The following RORA variants were observed in gnomAD, a reference collection of about 807,000 sequenced individuals.
The protein encoded by RORA is RAR related orphan receptor A, also known as nuclear receptor ROR-alpha.
A neutral mutation model predicts 69.5 loss-of-function variants in RORA; 7 were observed. That is an observed-to-expected ratio of 0.10 (90% CI 0.06 to 0.19). The LOEUF is 0.19. Among genes scored for constraint, RORA ranks in the 10% least tolerant of loss-of-function variants. The pLI is 1.00. For synonymous variants in RORA, 261 were observed against 240.8 expected (o/e 1.08, Z -0.78); for missense variants, 457 against 663.0 (o/e 0.69, Z 3.41).
At chr15:60,730,146 A>G (rs2071410776) in intron 1 of RORA, among the ~76,000 whole-genome samples, 1 of 152,232 alleles carries the variant, frequency 6.6e-6, no homozygotes, top group African/African-American at 2.4e-5. Flanking sequence ...TGAGGCTGCA[A>G]GCATCTTGTC....
At chr15:60,753,822 C>T (rs2071760303) in intron 1 of RORA, among the ~76,000 whole-genome samples, 1 of 152,222 alleles carries the variant, frequency 6.6e-6, no homozygotes, top group South Asian at 2.1e-4. Flanking sequence ...ATTTCTATTG[C>T]TTTAGTCCAG....
chr15:61,135,708 G>T (rs1428440289), intron 1 of RORA, among the ~76,000 whole-genome samples: 1 of 152,104 alleles, frequency 6.6e-6, no homozygotes, highest in South Asian at 2.1e-4. Flanking sequence ...GAGCAGGACT[G>T]CTAGAAGCAG....
chr15:60,838,207 T>C (rs1009192708), intron 1 of RORA, among the ~76,000 whole-genome samples: 4 of 152,166 alleles, frequency 2.6e-5, no homozygotes. Flanking sequence ...TCCAGCATGC[T>C]GTTCCACACC....
chr15:61,192,920 G>C (rs1284205404), intron 1 of RORA, among the ~76,000 whole-genome samples: 2 of 152,094 alleles, frequency 1.3e-5, no homozygotes, highest in Non-Finnish European at 2.9e-5. Flanking sequence ...GCAGTGATTG[G>C]TCAACAGAAC....
At chr15:61,005,996 G>C (rs929342273) in intron 1 of RORA, among the ~76,000 whole-genome samples, 4 of 151,990 alleles carry the variant, frequency 2.6e-5, no homozygotes, top group Non-Finnish European at 5.9e-5. Context: ...TTGAGAAGGA[G>C]TCTCGCTCTG....
chr15:60,551,572 C>A (rs4775281), intron 2 of RORA, among the ~76,000 whole-genome samples: 57,332 of 152,044 alleles, frequency 0.38, 11,978 homozygotes, highest in East Asian at 0.74. Context: ...ATAATTTTTC[C>A]TACCGCCCCA....
chr15:60,847,083 G>A (rs1349219711), intron 1 of RORA, among the ~76,000 whole-genome samples: 2 of 152,116 alleles, frequency 1.3e-5, no homozygotes, highest in African/African-American at 2.4e-5. Flanking sequence ...TCTTGTCCTA[G>A]CAATTGATAC....
intron 1 of RORA, among the ~76,000 whole-genome samples, chr15:60,965,590 T>G (rs2140346855): frequency 6.6e-6 from 1 of 152,300 alleles, no homozygotes; most frequent in Non-Finnish European, 1.5e-5. Flanking sequence ...TTTACATCTT[T>G]GTAAAACAAG....
chr15:61,106,805 A>G (rs1015115608), intron 1 of RORA, among the ~76,000 whole-genome samples: 1 of 152,188 alleles, frequency 6.6e-6, no homozygotes, highest in Non-Finnish European at 1.5e-5. Context: ...CTTCTGCCGC[A>G]GGTTTAACAC....
chr15:60,719,078 C>G (rs2071259802), intron 1 of RORA, among the ~76,000 whole-genome samples: 1 of 18,600 alleles, frequency 5.4e-5, no homozygotes, highest in African/African-American at 3.5e-4. Context: ...GTTAAAGATG[C>G]AAAAGGCCTG....
At chr15:60,975,090 A>G (rs1023084593) in intron 1 of RORA, among the ~76,000 whole-genome samples, 37 of 152,156 alleles carry the variant, frequency 2.4e-4, no homozygotes, top group Admixed American at 6.5e-4. Flanking sequence ...TCAACAAGGG[A>G]AGAAGCATGA....
chr15:60,597,590 A>ATATG (rs2068713767), intron 2 of RORA, among the ~76,000 whole-genome samples: 1 of 24,116 alleles, frequency 4.1e-5, no homozygotes, highest in Non-Finnish European at 7.6e-5. Context: ...ATATATATAT[A>ATATG]TATACACATA....
At chr15:60,726,852 A>G (rs2071363774) in intron 1 of RORA, among the ~76,000 whole-genome samples, 1 of 152,212 alleles carries the variant, frequency 6.6e-6, no homozygotes, top group South Asian at 2.1e-4. Context: ...GACAAGGAGG[A>G]AATTAAAAAA....
intron 2 of RORA, among the ~76,000 whole-genome samples, chr15:60,618,881 T>G (rs1161416551): frequency 6.6e-6 from 1 of 152,238 alleles, no homozygotes; most frequent in African/African-American, 2.4e-5. Flanking sequence ...TTTTCCCATC[T>G]GCCTTAACAC....
At chr15:61,113,880 A>G (rs896845577) in intron 1 of RORA, among the ~76,000 whole-genome samples, 6 of 152,202 alleles carry the variant, frequency 3.9e-5, no homozygotes, top group Admixed American at 6.5e-5. Context: ...GCCAAGGCAA[A>G]GTCAGAGACA....
rs1395198361 is a variant in RORA at position 60,687,950 on chromosome 15, C to T, written c.167-9264G>A. ...TACTCTCTCCGATCCTCAGTTTCCT[C>T]ATCACTAAAAGGAGAGGAAAAAGAT... On this transcript the variant is annotated intron_variant, in intron 1 of 10. Transcript: ENST00000335670. Among the ~76,000 whole-genome samples the T allele has an allele frequency of 2.0e-5, 3 of 152,182 alleles. 1 individual carries two copies. The highest frequency in any genetic ancestry group is 4.4e-5 in the Non-Finnish European group (3 of 68,036).
chr15:60,710,907 C>A (rs1366142289), intron 1 of RORA, among the ~76,000 whole-genome samples: 1 of 151,962 alleles, frequency 6.6e-6, no homozygotes, highest in Non-Finnish European at 1.5e-5. Flanking sequence ...ACCTGTAGGT[C>A]TTTCAGCAGA....
intron 1 of RORA, among the ~76,000 whole-genome samples, chr15:61,210,109 T>C (rs2414693): frequency 1 from 152,291 of 152,324 alleles, 76,129 homozygotes; most frequent in Middle Eastern, 1. Flanking sequence ...GAGGGTTCCC[T>C]CAAGAGGCAG....
At chr15:60,562,087 G>A (rs1372966007) in intron 2 of RORA, among the ~76,000 whole-genome samples, 1 of 151,946 alleles carries the variant, frequency 6.6e-6, no homozygotes, top group Non-Finnish European at 1.5e-5. Context: ...GGGATTACAG[G>A]CGCCTGCCAC....
Sources: gnomAD v4.1 joint callset for allele counts (sites outside exome capture counted in the v4.1 genomes callset) on GRCh38, gnomAD v4.1.1 for gene constraint, MANE v1.5 for transcripts, NCBI Gene and HGNC (gene_info 2026-07-23, HGNC 2026-07-21) for gene names.